The following CACNA1B variants were observed in gnomAD, a reference collection of about 807,000 sequenced individuals.
CACNA1B encodes the protein calcium voltage-gated channel subunit alpha1 B.
CACNA1B carries 70 observed loss-of-function variants against 247.2 expected under a neutral mutation model. That is an observed-to-expected ratio of 0.28 (90% CI 0.23 to 0.35). CACNA1B has a LOEUF of 0.35. Ranked by LOEUF, CACNA1B falls within the 10% of genes least tolerant of loss-of-function variation. CACNA1B has a pLI of 1.00. For missense variants in CACNA1B, 2,367 were observed against 3,197.4 expected (o/e 0.74, Z 6.26); for synonymous variants, 1,231 against 1,294.4 (o/e 0.95, Z 1.05).
intron 16 of CACNA1B, among the ~76,000 whole-genome samples, chr9:138,008,031 C>T (rs764022934): frequency 6.6e-5 from 10 of 152,192 alleles, no homozygotes; most frequent in Non-Finnish European, 1.2e-4. Flanking sequence ...CCTTAGGCTG[C>T]AGCTCAGGGC....
chr9:138,055,020 A>T (rs1016320435), intron 26 of CACNA1B, among the ~76,000 whole-genome samples: 1 of 152,144 alleles, frequency 6.6e-6, no homozygotes, highest in Admixed American at 6.5e-5. Context: ...TGTTCTGGAC[A>T]GGAACCCTTT....
chr9:138,024,952 C>T lies in CACNA1B; in HGVS notation c.3069-3C>T, dbSNP rs1958902097. The T allele has an allele frequency of 1.9e-6, 3 of 1,565,480 alleles. No individual in the cohort carries two copies. The highest frequency in any genetic ancestry group is 2.6e-6 in the Non-Finnish European group (3 of 1,153,872). On this transcript the variant is annotated splice_region_variant and splice_polypyrimidine_tract_variant and intron_variant, in intron 19 of 46. Transcript: ENST00000371372. ...GAGGCCTGATGTACATTCTTGATTG[C>T]AGGGAGCCACACTGTGACCTGGAGA...
chr9:137,983,151 T>C (rs920728084), intron 12 of CACNA1B, among the ~76,000 whole-genome samples: 1 of 152,210 alleles, frequency 6.6e-6, no homozygotes, highest in African/African-American at 2.4e-5. Flanking sequence ...GACTGAAACT[T>C]TGGAAAATAT....
chr9:137,937,879 G>A lies in CACNA1B; in HGVS notation c.967-14395G>A, dbSNP rs112447080. Reference sequence around the variant, plus strand: ...AGAGAATCGCTTGAATTTGGGAGGCGAAGGTTGTGGTGAGCCAAGATCGCA... The same window carrying A: ...AGAGAATCGCTTGAATTTGGGAGGCAAAGGTTGTGGTGAGCCAAGATCGCA... On this transcript the variant is annotated intron_variant, in intron 6 of 46. Transcript: ENST00000371372. 2.1e-3 allele frequency among the ~76,000 whole-genome samples: 295 copies of A among 143,388 alleles called. 4 individuals are homozygous for A. The highest frequency in any genetic ancestry group is 7.1e-3 in the African/African-American group (280 of 39,352). 94.1% of individuals were successfully genotyped at this position (143,388 alleles called of 152,430 possible).
chr9:137,947,980 T>TC (rs1490080881), intron 6 of CACNA1B, among the ~76,000 whole-genome samples: 8 of 140,924 alleles, frequency 5.7e-5, no homozygotes, highest in Non-Finnish European at 1.2e-4. Context: ...CATTCCTTTT[T>TC]TTTTTTTTTT....
At chr9:138,046,788 AC>A (rs1476164066) in intron 21 of CACNA1B, 115 bp from the exon 22 acceptor site, 11 of 978,348 alleles carry the variant, frequency 1.1e-5, no homozygotes, top group Non-Finnish European at 1.7e-5. Flanking sequence ...CTCTGGGGCC[AC>A]AGCTTCCTGA....
rs1440887333 is a variant in CACNA1B, at chr9:137,954,879, T to TGTGTGTGTGTGAGAGAGA, written c.1071-818_1071-817insTGTGTGTGTGAGAGAGAG. On this transcript the variant is annotated intron_variant, in intron 7 of 46. Coordinates refer to ENST00000371372, the MANE Select transcript of CACNA1B (RefSeq NM_000718.4). The surrounding 1 kb of genome is among the most constrained non-coding windows in gnomAD (Gnocchi z 4.1). ...GCTTGTGTGTGTGTGTGTGTGTGTG[T>TGTGTGTGTGTGAGAGAGA]GAGAGAGAGAGAGAGAGAGAGAGGG... Among the ~76,000 whole-genome samples, 1 of 145,194 alleles carries TGTGTGTGTGTGAGAGAGA rather than the reference T, an allele frequency of 6.9e-6. No homozygotes were observed. The highest frequency in any genetic ancestry group is 2.2e-4 in the East Asian group (1 of 4,602).
intron 3 of CACNA1B, among the ~76,000 whole-genome samples, chr9:137,885,127 C>G (rs1158683357): frequency 6.7e-6 from 1 of 149,888 alleles, no homozygotes; most frequent in African/African-American, 2.5e-5. Context: ...GCAGCAGGGC[C>G]TGGGCGTTGC....
At chr9:137,929,444 A>G (rs960735825) in intron 6 of CACNA1B, among the ~76,000 whole-genome samples, 1 of 151,330 alleles carries the variant, frequency 6.6e-6, no homozygotes, top group Non-Finnish European at 1.5e-5. Context: ...AGTTCCAGCT[A>G]CTCGGGAGAC....
At position 138,023,883 on chromosome 9, in the gene CACNA1B, C is replaced by T. The variant is rs1416114680; in HGVS notation, c.3068+72C>T. ...GCGGCGCGGGCCCCAGCGGTGGCTG[C>T]GGCCATGGGGTCCACGGCGGAGGCT... On this transcript the variant is annotated intron_variant, in intron 19 of 46. Transcript: ENST00000371372. The T allele has an allele frequency of 9.1e-6, 7 of 768,892 alleles. No homozygotes were observed. The East Asian group carries it at 1.2e-4, about 13-fold the overall frequency. 47.6% of individuals were successfully genotyped at this position (768,892 alleles called of 1,614,324 possible). A position where few individuals can be genotyped will look rare whatever the true frequency, so the allele number is the denominator to read the frequency against.
intron 3 of CACNA1B, among the ~76,000 whole-genome samples, chr9:137,910,861 TG>T (rs1588999601): frequency 6.6e-6 from 1 of 152,216 alleles, no homozygotes; most frequent in African/African-American, 2.4e-5. Context: ...ACCCTTGCTC[TG>T]ATGCACGGAA....
intron 3 of CACNA1B, among the ~76,000 whole-genome samples, chr9:137,901,100 T>C (rs1957234051): frequency 1.3e-5 from 2 of 149,648 alleles, no homozygotes; most frequent in Admixed American, 1.3e-4. Context: ...TGTCTGTGTG[T>C]CCTTGTGTCT....
At chr9:138,055,157 C>G (rs1959449148) in intron 26 of CACNA1B, among the ~76,000 whole-genome samples, 1 of 148,688 alleles carries the variant, frequency 6.7e-6, no homozygotes, top group African/African-American at 2.5e-5. Context: ...GACAGGATCT[C>G]ACACTTTTGC....
intron 35 of CACNA1B, 122 bp downstream of exon 35, chr9:138,076,032 G>T (rs1960306543): frequency 1.5e-6 from 1 of 676,354 alleles, no homozygotes; most frequent in Non-Finnish European, 2.7e-6. Flanking sequence ...CGACCCCACT[G>T]GCTTCCCCTC....
At chr9:138,005,546 A>G (rs780296178) in intron 15 of CACNA1B, among the ~76,000 whole-genome samples, 2 of 152,232 alleles carry the variant, frequency 1.3e-5, no homozygotes, top group Non-Finnish European at 2.9e-5. Flanking sequence ...GTTTGATAGC[A>G]TGGTAGGGTG....
chr9:138,109,009 A>G (rs1961533667), intron 39 of CACNA1B, among the ~76,000 whole-genome samples: 1 of 152,262 alleles, frequency 6.6e-6, no homozygotes, highest in African/African-American at 2.4e-5. Flanking sequence ...TTACCCCAGG[A>G]TAAGTTAGGT....
intron 38 of CACNA1B, among the ~76,000 whole-genome samples, chr9:138,104,465 G>A (rs571713810): frequency 3.3e-5 from 5 of 152,340 alleles, no homozygotes; most frequent in African/African-American, 7.2e-5. Flanking sequence ...GCCATTCTCC[G>A]GGAAGCCGTT....
At chr9:138,071,902 C>T (rs73669858) in intron 32 of CACNA1B, among the ~76,000 whole-genome samples, 4,479 of 152,050 alleles carry the variant, frequency 0.029, 224 homozygotes, top group African/African-American at 0.1. Context: ...CTCCAACCCC[C>T]GGCTCTGCTT....
intron 13 of CACNA1B, among the ~76,000 whole-genome samples, chr9:137,985,465 C>A (rs1958345846): frequency 6.6e-6 from 1 of 152,230 alleles, no homozygotes; most frequent in Non-Finnish European, 1.5e-5. Context: ...TGTCCTGAGG[C>A]AGGCTGGCCT....
Sources: allele counts gnomAD v4.1 joint callset (sites outside exome capture counted in the v4.1 genomes callset), GRCh38; gene constraint gnomAD v4.1.1; non-coding constraint Gnocchi (gnomAD v3.1); transcripts MANE v1.5; gene names NCBI Gene and HGNC (gene_info 2026-07-23, HGNC 2026-07-21).